Variants in NPHP3 observed in about 807,000 individuals in gnomAD.
NPHP3 encodes the protein nephrocystin 3, also known as nephrocystin-3.
In NPHP3, 123 loss-of-function variants were observed where a neutral mutation model predicts 171.9. That is an observed-to-expected ratio of 0.72 (90% CI 0.62 to 0.83). The LOEUF (loss-of-function observed/expected upper bound fraction) is 0.83, where lower values mean the gene tolerates loss of function less well. Among genes scored for constraint, NPHP3 ranks in the 40% least tolerant of loss-of-function variants. The probability of loss-of-function intolerance (pLI) is 0.00; values close to 1 mark genes in which losing one functional copy is unlikely to be tolerated. For synonymous variants in NPHP3, 558 were observed against 579.2 expected (o/e 0.96, Z 0.52); for missense variants, 1,506 against 1,591.9 (o/e 0.95, Z 0.92).
chr3:132,692,859 G>A (rs746326209), intron 16 of NPHP3, 41 bp from the exon 17 acceptor site: 1 of 1,556,386 alleles, frequency 6.4e-7, no homozygotes, highest in East Asian at 2.3e-5. Flanking sequence ...TAAAGCACCT[G>A]TATAAGTAAC....
intron 1 of NPHP3, among the ~76,000 whole-genome samples, chr3:132,720,331 G>A (rs1314611380): frequency 1.3e-5 from 2 of 152,176 alleles, no homozygotes; most frequent in African/African-American, 4.8e-5. Context: ...CTCGATATGT[G>A]AGAAAGGAAC....
At chr3:132,696,665 G>C in intron 15 of NPHP3, 66 bp downstream of exon 15, 1 of 1,389,264 alleles carries the variant, frequency 7.2e-7, no homozygotes, top group Non-Finnish European at 1.0e-6. Flanking sequence ...CAGTTTTGCA[G>C]GGTGAGAAAG....
intron 17 of NPHP3, 82 bp from the exon 18 acceptor site, chr3:132,691,368 T>G: frequency 1.1e-6 from 1 of 935,806 alleles, no homozygotes; most frequent in Non-Finnish European, 1.8e-6. Context: ...AAAAAGAATT[T>G]ATAATTATTC....
intron 8 of NPHP3, among the ~76,000 whole-genome samples, chr3:132,705,491 A>G (rs1001183652): frequency 6.6e-6 from 1 of 152,208 alleles, no homozygotes; most frequent in African/African-American, 2.4e-5. Flanking sequence ...CACTTTTGTA[A>G]TATGTTTTAC....
chr3:132,718,383 T>C (rs886195183), intron 3 of NPHP3, among the ~76,000 whole-genome samples: 12 of 152,360 alleles, frequency 7.9e-5, no homozygotes, highest in Admixed American at 2.0e-4. Flanking sequence ...AAATACTTTT[T>C]GAATAGTTCA....
chr3:132,703,871 G>T (rs561714155), intron 9 of NPHP3, among the ~76,000 whole-genome samples: 16 of 152,280 alleles, frequency 1.1e-4, no homozygotes, highest in Admixed American at 1.0e-3. Flanking sequence ...GTGAGCCACT[G>T]CACCTGGCCT....
chr3:132,681,533 G>A lies in NPHP3; in HGVS notation c.*377C>T, dbSNP rs1432200508. On this transcript the variant is annotated 3_prime_UTR_variant, in exon 27 of 27. Coordinates refer to ENST00000337331, the MANE Select transcript of NPHP3 (RefSeq NM_153240.5). ...TCCTCCTGCATCACCCTCCCAAAGT[G>A]GTGGGATTACAGGCATGAGCCACCA... The A allele has an allele frequency of 3.8e-6, 1 of 261,602 alleles. No individual in the cohort carries two copies. The highest frequency in any genetic ancestry group is 1.0e-4 in the East Asian group (1 of 9,572). The allele number at this position is 261,602 out of a possible 1,614,324, so 16.2% of individuals were successfully genotyped here. A position where few individuals can be genotyped will look rare whatever the true frequency, so the allele number is the denominator to read the frequency against.
At position 132,694,853 on chromosome 3, in the gene NPHP3, C is replaced by G; in HGVS notation, c.2284G>C (p.Asp762His). ...LHSIRESMAN[D>H]VDKELMKQIL... ...TGCTTCATTAGCTCTTTATCCACAT[C>G]ATTTGCCATGGACTCCCGGATAGAG... Residue 762 changes from aspartate (D) to histidine (H), a missense_variant, in exon 16 of 27, where the codon GAT becomes CAT. Transcript: ENST00000337331. 5 of 1,613,646 alleles carry G rather than the reference C, an allele frequency of 3.1e-6. No homozygotes were observed. The highest frequency in any genetic ancestry group is 4.2e-6 in the Non-Finnish European group (5 of 1,179,928).
intron 14 of NPHP3, 128 bp downstream of exon 14, chr3:132,697,132 C>T (rs1248644957): frequency 2.7e-6 from 2 of 752,300 alleles, no homozygotes; most frequent in East Asian, 4.9e-5. Context: ...AATACATTTA[C>T]CAAAGTAATT....
At chr3:132,705,694 A>T (rs1357021187) in intron 8 of NPHP3, 46 bp downstream of exon 8, 4 of 1,007,866 alleles carry the variant, frequency 4.0e-6, no homozygotes, top group Non-Finnish European at 4.7e-6. Context: ...ATAGAAAGTG[A>T]TCTTAAAATA....
chr3:132,704,832 G>GGTAA (rs557660384), intron 8 of NPHP3, among the ~76,000 whole-genome samples: 84 of 152,042 alleles, frequency 5.5e-4, no homozygotes, highest in South Asian at 4.4e-3. Context: ...CACTAATGAT[G>GGTAA]GTAAGTACAT....
chr3:132,706,002 T>A (rs996360081), intron 7 of NPHP3, among the ~76,000 whole-genome samples, 188 bp from the exon 8 acceptor site: 2 of 152,146 alleles, frequency 1.3e-5, no homozygotes, highest in African/African-American at 4.8e-5. Context: ...AAGAGTAAAC[T>A]GAGGCAAAGT....
At position 132,719,091 on chromosome 3, in the gene NPHP3, C is replaced by T; in HGVS notation, c.573G>A (p.Arg191=). The change falls in exon 3 of 27, where the codon AGG becomes AGA. Residue 191 remains arginine (R), a synonymous_variant. Transcript: ENST00000337331. The part of the protein sequence containing the change: ...NEIQDLLRAK[R]ELESKLQRLQ... The stretch of plus-strand genomic sequence containing the variant: ...GCCTCTGAAGTTTGCTCTCCAACTC[C>T]CTCTTGGCCCTCAGTAAGTCCTGAA... The T allele has an allele frequency of 6.2e-7, 1 of 1,613,812 alleles. No homozygotes were observed. The highest frequency in any genetic ancestry group is 8.5e-7 in the Non-Finnish European group (1 of 1,179,758).
intron 6 of NPHP3, among the ~76,000 whole-genome samples, chr3:132,709,855 C>T (rs1339825747): frequency 6.6e-6 from 1 of 152,126 alleles, no homozygotes; most frequent in Non-Finnish European, 1.5e-5. Context: ...TCACTCTGGC[C>T]ATGTTCTATC....
chr3:132,719,013 G>C lies in NPHP3; in HGVS notation c.651C>G (p.Asp217Glu), dbSNP rs1194959302. ...ACTTACCAGTGACATCTGTACAGTT[G>C]TCATCTGAATCAGACTCCCCAGGAT... ...VFDPGESDSDDNCTDVTAAGT... is the reference protein window; with the variant it reads ...VFDPGESDSDENCTDVTAAGT... The change falls in exon 3 of 27, where the codon GAC becomes GAG. Residue 217 changes from aspartate to glutamate, a missense_variant. By Grantham distance (45) the Asp-to-Glu change is conservative (BLOSUM62 2). Transcript: ENST00000337331. The C allele has an allele frequency of 1.2e-6, 2 of 1,613,974 alleles. No homozygotes were observed. The highest frequency in any genetic ancestry group is 1.7e-6 in the Non-Finnish European group (2 of 1,180,020).
chr3:132,701,958 G>A (rs1939621573), intron 9 of NPHP3, among the ~76,000 whole-genome samples: 1 of 152,154 alleles, frequency 6.6e-6, no homozygotes, highest in Admixed American at 6.5e-5. Flanking sequence ...CCCGGGAGGT[G>A]GAGCTTGCAG....
chr3:132,704,908 T>C (rs950962791), intron 8 of NPHP3, among the ~76,000 whole-genome samples: 2 of 152,246 alleles, frequency 1.3e-5, no homozygotes, highest in Non-Finnish European at 2.9e-5. Flanking sequence ...TTTGCAAGAT[T>C]GTGAAGCTCA....
chr3:132,692,831 A>C lies in NPHP3; in HGVS notation c.2311-13T>G. On this transcript the variant is annotated splice_polypyrimidine_tract_variant and intron_variant, in intron 16 of 26. Coordinates refer to ENST00000337331, the MANE Select transcript of NPHP3 (RefSeq NM_153240.5). The stretch of plus-strand genomic sequence containing the variant: ...CAAGGCAGAGGATCTAGGTAGAAAA[A>C]CAAATTAACAGTAATCATAAAGCAC... 6.2e-7 allele frequency: 1 copy of C among 1,612,248 alleles called. No homozygotes were observed. Among genetic ancestry groups the C allele is most frequent in the Non-Finnish European group, 8.5e-7 (1 of 1,178,364 alleles).
At chr3:132,719,511 T>C (rs1940145876) in intron 2 of NPHP3, among the ~76,000 whole-genome samples, 194 bp downstream of exon 2, 1 of 152,178 alleles carries the variant, frequency 6.6e-6, no homozygotes, top group Non-Finnish European at 1.5e-5. Context: ...CTTTCATACG[T>C]TTTTCTTTGA....
Sources: gnomAD v4.1 joint callset for allele counts (sites outside exome capture counted in the v4.1 genomes callset) on GRCh38, gnomAD v4.1.1 for gene constraint, MANE v1.5 for transcripts, NCBI Gene and HGNC (gene_info 2026-07-23, HGNC 2026-07-21) for gene names.